ADIPOR2: variants seen among roughly 807,000 people sequenced by gnomAD.
The protein encoded by ADIPOR2 is adiponectin receptor protein 2.
A neutral mutation model predicts 40.9 loss-of-function variants in ADIPOR2; 18 were observed. That is an observed-to-expected ratio of 0.44 (90% CI 0.30 to 0.65). The LOEUF (loss-of-function observed/expected upper bound fraction) is 0.65. ADIPOR2 is among the 30% of genes least tolerant of loss of function. The pLI is 0.09. For synonymous variants in ADIPOR2, 165 were observed against 166.4 expected, an observed-to-expected ratio of 0.99 and a Z score of 0.06; for missense variants, 283 against 479.2, an observed-to-expected ratio of 0.59 and a Z score of 3.82.
At chr12:1,756,881 A>C (rs1275988165) in intron 2 of ADIPOR2, among the ~76,000 whole-genome samples, 1 of 152,184 alleles carries the variant, frequency 6.6e-6, no homozygotes, top group Non-Finnish European at 1.5e-5. Context: ...TAGAGGAATC[A>C]AGGCTGATTC....
chr12:1,782,539 A>G (rs9805109), intron 6 of ADIPOR2, among the ~76,000 whole-genome samples: 34,145 of 152,106 alleles, frequency 0.22, 5,736 homozygotes, highest in African/African-American at 0.48. Flanking sequence ...GACATTTTCT[A>G]TTACAGTCCT....
chr12:1,768,858 G>C (rs1157541487), intron 2 of ADIPOR2, among the ~76,000 whole-genome samples: 1 of 152,166 alleles, frequency 6.6e-6, no homozygotes, highest in Admixed American at 6.5e-5. Context: ...ATGTCTTTGT[G>C]CTCATTTCAA....
At position 1,752,230 on chromosome 12, in the gene ADIPOR2, C is replaced by CTTTTTTTTTTT. The variant is rs67598229; in HGVS notation, c.-86-2017_-86-2007dup. Among the ~76,000 whole-genome samples, 10 of 74,866 alleles carry CTTTTTTTTTTT rather than the reference C, an allele frequency of 1.3e-4. 2 individuals carry two copies. Among genetic ancestry groups the CTTTTTTTTTTT allele is most frequent in the African/African-American group, 2.2e-4 (4 of 17,950 alleles). 49.1% of individuals were successfully genotyped at this position (74,866 alleles called of 152,430 possible). A position where few individuals can be genotyped will look rare whatever the true frequency, so the allele number is the denominator to read the frequency against. On this transcript the variant is annotated intron_variant, in intron 1 of 7. Coordinates refer to ENST00000357103, the MANE Select transcript of ADIPOR2 (RefSeq NM_024551.3). Reference sequence around the variant, plus strand: ...AGGCGTGAGCCACTGCTCCTGGCCTCTTTTTTTTTTTTTTTTTTTTTAAGA... The same window carrying CTTTTTTTTTTT: ...AGGCGTGAGCCACTGCTCCTGGCCTCTTTTTTTTTTTTTTTTTTTTTTTTTTTTTTTTAAGA...
intron 1 of ADIPOR2, among the ~76,000 whole-genome samples, chr12:1,753,203 A>G (rs530951116): frequency 6.6e-6 from 1 of 152,308 alleles, no homozygotes; most frequent in Middle Eastern, 3.4e-3. Context: ...CATGGAATTT[A>G]TTAGCTAGCA....
intron 1 of ADIPOR2, among the ~76,000 whole-genome samples, chr12:1,722,997 G>A (rs780309302): frequency 3.3e-5 from 5 of 152,166 alleles, no homozygotes; most frequent in Admixed American, 6.5e-5. Flanking sequence ...TGAGAGATGT[G>A]AAAATTCTTT....
At chr12:1,759,244 A>C (rs1158079605) in intron 2 of ADIPOR2, among the ~76,000 whole-genome samples, 1 of 152,226 alleles carries the variant, frequency 6.6e-6, no homozygotes, top group African/African-American at 2.4e-5. Context: ...AATAGAACGA[A>C]TATATCATAG....
chr12:1,755,319 A>G (rs1230962725), intron 2 of ADIPOR2, among the ~76,000 whole-genome samples: 2 of 151,642 alleles, frequency 1.3e-5, no homozygotes, highest in East Asian at 3.9e-4. Flanking sequence ...CTCCTTATCC[A>G]CCTGCCTCAA....
intron 1 of ADIPOR2, among the ~76,000 whole-genome samples, chr12:1,744,928 A>T (rs2094751665): frequency 6.6e-6 from 1 of 152,248 alleles, no homozygotes; most frequent in African/African-American, 2.4e-5. Flanking sequence ...TAACCATATC[A>T]GTATGTGCAG....
chr12:1,727,699 C>T lies in ADIPOR2; in HGVS notation c.-86-26559C>T, dbSNP rs1592592196. 2.0e-5 allele frequency among the ~76,000 whole-genome samples: 3 copies of T among 152,014 alleles called. No homozygotes were observed. The South Asian group carries it at 6.2e-4, about 31-fold the overall frequency. ...CCAGAATGTTTCTGTCTCATTCTTA[C>T]CTACTCAAGGCCCTTTCAGTAGCCC... is the stretch of plus-strand genomic sequence containing the variant. On this transcript the variant is annotated intron_variant, in intron 1 of 7. Coordinates refer to ENST00000357103, the MANE Select transcript of ADIPOR2 (RefSeq NM_024551.3).
At chr12:1,757,578 T>C in intron 2 of ADIPOR2, 2 of 1,085,922 alleles carry the variant, frequency 1.8e-6, no homozygotes, top group Admixed American at 3.4e-5. Context: ...GGAATCAGGG[T>C]AGCGGATGGT....
chr12:1,762,837 A>G (rs963982793), intron 2 of ADIPOR2, among the ~76,000 whole-genome samples: 4 of 152,238 alleles, frequency 2.6e-5, no homozygotes, highest in Admixed American at 1.3e-4. Context: ...TGGGGATGAT[A>G]TACTTTTTCT....
intron 2 of ADIPOR2, chr12:1,757,698 C>T: frequency 7.6e-7 from 1 of 1,316,674 alleles, no homozygotes; most frequent in Non-Finnish European, 1.1e-6. Flanking sequence ...CAAAGCGACC[C>T]TTGGTGTCAT....
At chr12:1,757,769 G>C (rs1011156382) in intron 2 of ADIPOR2, 4 of 1,094,572 alleles carry the variant, frequency 3.7e-6, no homozygotes, top group African/African-American at 3.1e-5. Context: ...AATCCAGCAG[G>C]GTAGGTTATA....
At chr12:1,699,011 G>C (rs1293320000) in intron 1 of ADIPOR2, among the ~76,000 whole-genome samples, 1 of 152,054 alleles carries the variant, frequency 6.6e-6, no homozygotes, top group East Asian at 1.9e-4. Flanking sequence ...TTCTGTTCCC[G>C]GGCCTCCCTT....
intron 3 of ADIPOR2, among the ~76,000 whole-genome samples, chr12:1,776,339 A>G (rs1449819859): frequency 6.6e-6 from 1 of 152,236 alleles, no homozygotes; most frequent in Non-Finnish European, 1.5e-5. Flanking sequence ...CCAAGTTTCC[A>G]TGGCTTACCC....
Position 1,788,284 on chromosome 12 carries a change from A to G in ADIPOR2, c.*2212A>G, listed in dbSNP as rs1479087932. On this transcript the variant is annotated 3_prime_UTR_variant, in exon 8 of 8. Coordinates refer to ENST00000357103, the MANE Select transcript of ADIPOR2 (RefSeq NM_024551.3). ...CGGGTGTGTATGTGGGCATGTGCCC[A>G]TTTCTATGTGTGTGTCTACGTGCAG... 6.6e-6 allele frequency: 1 copy of G among 152,632 alleles called. No homozygotes were observed. The highest frequency in any genetic ancestry group is 1.5e-5 in the Non-Finnish European group (1 of 68,032). The allele number at this position is 152,632 out of a possible 1,614,324, so 9.5% of individuals were successfully genotyped here.
intron 4 of ADIPOR2, among the ~76,000 whole-genome samples, chr12:1,779,267 C>G (rs569121979): frequency 2.5e-4 from 38 of 152,262 alleles, no homozygotes; most frequent in African/African-American, 8.7e-4. Flanking sequence ...TAGAAGCAAC[C>G]CAGATGTCTA....
chr12:1,737,819 T>G (rs2094734128), intron 1 of ADIPOR2, among the ~76,000 whole-genome samples: 1 of 152,178 alleles, frequency 6.6e-6, no homozygotes, highest in African/African-American at 2.4e-5. Flanking sequence ...CCCAAAGTGC[T>G]AGGATTACAG....
Position 1,754,417 on chromosome 12 carries a change from A to G in ADIPOR2, c.74A>G (p.His25Arg). The G allele has an allele frequency of 6.2e-7, 1 of 1,613,682 alleles. No individual in the cohort carries two copies. The change falls in exon 2 of 8, where the codon CAC becomes CGC. Residue 25 changes from histidine (H) to arginine (R), a missense_variant. His to Arg is a conservative substitution (Grantham distance 29). This residue lies in a region of ADIPOR2 where 65 missense variants were observed against 79.9 expected (regional missense o/e 0.81). Transcript: ENST00000357103. Reference sequence around the variant, plus strand: ...CCAGATATAAGGCTCAGAAAAGGGCACCAACTGGATGGTACACGAAGAGGT... The same window carrying G: ...CCAGATATAAGGCTCAGAAAAGGGCGCCAACTGGATGGTACACGAAGAGGT... ...PEPDIRLRKG[H>R]QLDGTRRGDN...
Sources: gnomAD v4.1 joint callset for allele counts (sites outside exome capture counted in the v4.1 genomes callset) on GRCh38, gnomAD v4.1.1 for gene constraint, gnomAD v4.1.1 regional missense constraint, MANE v1.5 for transcripts, NCBI Gene and HGNC (gene_info 2026-07-23, HGNC 2026-07-21) for gene names.